Variants in FAAH2 observed in about 807,000 individuals in gnomAD.
FAAH2 encodes the protein fatty-acid amide hydrolase 2.
Under a neutral mutation model 36.9 loss-of-function variants are expected in FAAH2, and 60 were observed. That is an observed-to-expected ratio of 1.63 (90% CI 1.32 to 2.02). FAAH2 has a LOEUF of 2.02. Among genes scored for constraint, FAAH2 ranks in the 30% most tolerant of loss-of-function variants. The pLI, the probability that FAAH2 is intolerant of heterozygous loss-of-function variation, is 0.00. For synonymous variants in FAAH2, 214 were observed against 143.8 expected, an observed-to-expected ratio of 1.49 and a Z score of -3.49; for missense variants, 689 against 397.5, an observed-to-expected ratio of 1.73 and a Z score of -6.23.
intron 2 of FAAH2, among the ~76,000 whole-genome samples, chrX:57,306,838 AT>A (rs1291249845): frequency 1.1e-5 from 1 of 93,707 alleles, no homozygotes; most frequent in East Asian, 3.3e-4. Flanking sequence ...TATACTATAT[AT>A]GTACTATATA....
At chrX:57,336,052 C>T (rs887975788) in intron 4 of FAAH2, among the ~76,000 whole-genome samples, 1 of 111,385 alleles carries the variant, frequency 9.0e-6, no homozygotes, top group African/African-American at 3.3e-5. Context: ...GTCAGGCCTC[C>T]GAGCCCAAGC....
chrX:57,178,995 G>A, the FAAH2 span, among the ~76,000 whole-genome samples: 82 of 111,508 alleles, frequency 7.4e-4, no homozygotes, highest in African/African-American at 2.5e-3. Flanking sequence ...AAAAAATATT[G>A]GAACCAAGAA....
chrX:57,464,192 C>T (rs1410185445), intron 10 of FAAH2, among the ~76,000 whole-genome samples: 2 of 110,839 alleles, frequency 1.8e-5, no homozygotes, highest in African/African-American at 3.3e-5. Context: ...TACTCAAAAG[C>T]GGGAGTTGAA....
At chrX:57,225,778 C>T in the FAAH2 span, among the ~76,000 whole-genome samples, 1 of 111,639 alleles carries the variant, frequency 9.0e-6, no homozygotes, top group East Asian at 2.8e-4. Flanking sequence ...TATCTCATTT[C>T]TTCATTCTAT....
intron 8 of FAAH2, among the ~76,000 whole-genome samples, chrX:57,441,254 G>A (rs1343507554): frequency 9.1e-6 from 1 of 109,538 alleles, no homozygotes; most frequent in Non-Finnish European, 1.9e-5. Context: ...TTTGTTGGTA[G>A]GCTAATTATT....
chrX:57,253,297 T>G, the FAAH2 span, among the ~76,000 whole-genome samples: 1 of 109,741 alleles, frequency 9.1e-6, no homozygotes, highest in Non-Finnish European at 1.9e-5. Context: ...GTTTGATTGG[T>G]GTAACTGAAA....
the FAAH2 span, among the ~76,000 whole-genome samples, chrX:57,166,816 A>G: frequency 3.1e-3 from 352 of 111,827 alleles, 1 homozygote; most frequent in African/African-American, 0.011. Context: ...GCAGGTCCTC[A>G]CCGTGCTTGA....
At chrX:57,279,815 A>G in the FAAH2 span, among the ~76,000 whole-genome samples, 147 of 111,942 alleles carry the variant, frequency 1.3e-3, no homozygotes, top group African/African-American at 4.7e-3. Flanking sequence ...AAAGTTCTCA[A>G]CAAACAAGAT....
intron 10 of FAAH2, among the ~76,000 whole-genome samples, chrX:57,453,908 G>A (rs901272844): frequency 8.9e-6 from 1 of 111,923 alleles, no homozygotes; most frequent in Admixed American, 9.4e-5. Context: ...GTTCCACAGG[G>A]CCAGCCTGGC....
chrX:57,409,377 C>T (rs2055644472), intron 7 of FAAH2, among the ~76,000 whole-genome samples: 1 of 110,872 alleles, frequency 9.0e-6, no homozygotes, highest in Non-Finnish European at 1.9e-5. Context: ...TTTTATCTGG[C>T]CTTGATATCA....
chrX:57,417,710 G>C (rs2055881927), intron 7 of FAAH2, among the ~76,000 whole-genome samples: 1 of 111,952 alleles, frequency 8.9e-6, no homozygotes. Flanking sequence ...ACAGCAGTCA[G>C]GGATCCACTT....
the FAAH2 span, among the ~76,000 whole-genome samples, chrX:57,238,938 G>T: frequency 8.9e-6 from 1 of 111,921 alleles, no homozygotes; most frequent in Admixed American, 9.5e-5. Context: ...ACCTCCAGTT[G>T]TATCCATTTC....
chrX:57,194,120 T>G, the FAAH2 span, among the ~76,000 whole-genome samples: 6 of 111,697 alleles, frequency 5.4e-5, no homozygotes, highest in Non-Finnish European at 9.4e-5. Flanking sequence ...TCTTTAAATG[T>G]TTGATAGAAT....
Position 57,300,479 on chromosome X carries a change from C to A in FAAH2, c.275+7899C>A, listed in dbSNP as rs186764013. On this transcript the variant is annotated intron_variant, in intron 2 of 10. Transcript: ENST00000374900. The stretch of plus-strand genomic sequence containing the variant: ...TAATTCAAGATGGATTAAAGACTTA[C>A]ATGTCAGACCTAAAACCATAAAAAC... 6.0e-3 allele frequency among the ~76,000 whole-genome samples: 667 copies of A among 112,025 alleles called. 2 individuals are homozygous for A. Among genetic ancestry groups the A allele is most frequent in the Non-Finnish European group, 9.8e-3 (520 of 53,147 alleles).
At chrX:57,157,314 G>A in the FAAH2 span, among the ~76,000 whole-genome samples, 1 of 111,680 alleles carries the variant, frequency 9.0e-6, no homozygotes, top group Admixed American at 9.5e-5. Context: ...CTGTAGTCAT[G>A]ATGGCCTGGT....
At chrX:57,452,366 G>A in intron 10 of FAAH2, 1 of 736,893 alleles carries the variant, frequency 1.4e-6, no homozygotes, top group Non-Finnish European at 1.6e-6. Flanking sequence ...ACCCATGCCA[G>A]TCATTAACAA....
the FAAH2 span, among the ~76,000 whole-genome samples, chrX:57,253,102 T>A: frequency 9.0e-6 from 1 of 110,787 alleles, no homozygotes; most frequent in Non-Finnish European, 1.9e-5. Context: ...ACCACAGTAC[T>A]AGACTTCGTG....
intron 2 of FAAH2, among the ~76,000 whole-genome samples, chrX:57,304,095 T>C (rs1267873727): frequency 9.0e-6 from 1 of 111,374 alleles, no homozygotes; most frequent in Non-Finnish European, 1.9e-5. Context: ...TAATCCCAGC[T>C]ACTCAGGGGG....
the FAAH2 span, among the ~76,000 whole-genome samples, chrX:57,206,393 A>T: frequency 8.9e-6 from 1 of 112,179 alleles, no homozygotes; most frequent in Non-Finnish European, 1.9e-5. Flanking sequence ...TCTGAATTTT[A>T]TCAGGAGCTA....
Sources: allele counts gnomAD v4.1 joint callset (sites outside exome capture counted in the v4.1 genomes callset), GRCh38; gene constraint gnomAD v4.1.1; transcripts MANE v1.5; gene names NCBI Gene and HGNC (gene_info 2026-07-23, HGNC 2026-07-21).